The following C11orf65 variants were observed in gnomAD, a reference collection of about 807,000 sequenced individuals.
The protein encoded by C11orf65 is chromosome 11 open reading frame 65, also known as protein MFI.
Under a neutral mutation model 35.3 loss-of-function variants are expected in C11orf65, and 38 were observed. That is an observed-to-expected ratio of 1.08 (90% confidence interval 0.83 to 1.41). C11orf65 has a LOEUF of 1.41. C11orf65 is among the 40% of genes most tolerant of loss of function. C11orf65 has a pLI of 0.00. For missense variants in C11orf65, 370 were observed against 367.1 expected, an observed-to-expected ratio of 1.01 and a Z score of -0.06; for synonymous variants, 105 against 114.4, an observed-to-expected ratio of 0.92 and a Z score of 0.53.
chr11:108,431,769 C>T lies in C11orf65; in HGVS notation c.151G>A (p.Val51Met). The T allele has an allele frequency of 4.0e-6, 6 of 1,505,740 alleles. No individual in the cohort carries two copies. The highest frequency in any genetic ancestry group is 1.4e-5 in the South Asian group (1 of 73,896). The allele number at this position is 1,505,740 out of a possible 1,614,324, so 93.3% of individuals were successfully genotyped here. A position where few individuals can be genotyped will look rare whatever the true frequency, so the allele number is the denominator to read the frequency against. Residue 51 changes from valine to methionine, a missense_variant, in exon 3 of 9, where the codon GTG becomes ATG. Transcript: ENST00000393084. ...LRRQGEPRQI[V>M]KYINPKEAEL... The stretch of plus-strand genomic sequence containing the variant: ...ACCTCTTTGGGATTAATATATTTCA[C>T]TATCTGACGTGGTTCTCCTTGTCTT...
intron 6 of C11orf65, among the ~76,000 whole-genome samples, chr11:108,395,329 A>ATTTT (rs761424830): frequency 7.1e-6 from 1 of 140,924 alleles, no homozygotes; most frequent in Non-Finnish European, 1.6e-5. Flanking sequence ...TGTCTCTACA[A>ATTTT]TTTTTTTTTT....
downstream of C11orf65, among the ~76,000 whole-genome samples, chr11:108,330,935 T>C (rs536079083): frequency 2.6e-5 from 4 of 152,352 alleles, no homozygotes; most frequent in Non-Finnish European, 5.9e-5. Flanking sequence ...TGACACCTAA[T>C]ATTAAATTTA....
At chr11:108,366,683 G>A (rs2091348713) in intron 2 of C11orf65, 1 of 231,278 alleles carries the variant, frequency 4.3e-6, no homozygotes, top group African/African-American at 2.2e-5. Context: ...CTGAAGTGTA[G>A]CATAAATACT....
intron 2 of C11orf65, chr11:108,367,131 G>GCA (rs2091372042): frequency 5.6e-6 from 1 of 179,432 alleles, no homozygotes; most frequent in East Asian, 9.3e-5. Context: ...GGGACTACAG[G>GCA]CGTGTGCCAA....
intron 3 of C11orf65, among the ~76,000 whole-genome samples, chr11:108,412,748 GAAGA>G (rs1377807692): frequency 6.6e-6 from 1 of 151,980 alleles, no homozygotes; most frequent in Non-Finnish European, 1.5e-5. Context: ...GAGGAAGAAA[GAAGA>G]AAGAAGAAGA....
chr11:108,418,906 C>G (rs974385254), intron 3 of C11orf65, among the ~76,000 whole-genome samples: 2 of 151,898 alleles, frequency 1.3e-5, no homozygotes, highest in African/African-American at 4.8e-5. Context: ...ATGAAAACTT[C>G]CTAGAAAAAT....
At chr11:108,385,771 T>C (rs960718782) in intron 8 of C11orf65, 149 bp downstream of exon 8, 3 of 647,588 alleles carry the variant, frequency 4.6e-6, no homozygotes, top group Non-Finnish European at 8.2e-6. Flanking sequence ...ATAACAATCT[T>C]ACATACAAAG....
At chr11:108,397,824 G>A (rs558550547) in intron 6 of C11orf65, among the ~76,000 whole-genome samples, 1 of 152,256 alleles carries the variant, frequency 6.6e-6, no homozygotes, top group East Asian at 1.9e-4. Flanking sequence ...CATTAAACAT[G>A]AACTAAGTCT....
At chr11:108,354,419 G>A (rs1348233206) in intron 2 of C11orf65, among the ~76,000 whole-genome samples, 2 of 152,116 alleles carry the variant, frequency 1.3e-5, no homozygotes, top group Non-Finnish European at 2.9e-5. Context: ...GTATAACATT[G>A]TGCTACTAAA....
Position 108,405,564 on chromosome 11 carries a change from T to A in C11orf65, c.430-5A>T. On this transcript the variant is annotated splice_polypyrimidine_tract_variant and splice_region_variant and intron_variant, in intron 5 of 8. Transcript: ENST00000393084. Reference sequence around the variant, plus strand: ...ACCATCAGTAGATAGCCAAAACTATTGAGAAACAAAAATGAACATACAAAA... The same window carrying A: ...ACCATCAGTAGATAGCCAAAACTATAGAGAAACAAAAATGAACATACAAAA... 6.2e-7 allele frequency: 1 copy of A among 1,609,686 alleles called. No individual in the cohort carries two copies. Among genetic ancestry groups the A allele is most frequent in the Non-Finnish European group, 8.5e-7 (1 of 1,178,860 alleles).
intron 2 of C11orf65, among the ~76,000 whole-genome samples, chr11:108,376,261 C>T (rs1253651342): frequency 6.6e-6 from 1 of 151,988 alleles, no homozygotes; most frequent in Non-Finnish European, 1.5e-5. Flanking sequence ...TGTAAAAGAA[C>T]AGAAATTATA....
At chr11:108,330,066 T>G (rs762519330), downstream of C11orf65, 8 of 806,150 alleles carry the variant, frequency 9.9e-6, no homozygotes, top group Non-Finnish European at 1.6e-5. Flanking sequence ...CAAAAGTAAG[T>G]TTATTCCCTT....
chr11:108,397,131 G>A (rs2092330942), intron 6 of C11orf65, among the ~76,000 whole-genome samples: 1 of 151,502 alleles, frequency 6.6e-6, no homozygotes, highest in Non-Finnish European at 1.5e-5. Flanking sequence ...GGCTGGCCTG[G>A]CCAACATGGT....
chr11:108,455,323 A>T (rs1046705911), intron 2 of C11orf65, among the ~76,000 whole-genome samples: 4 of 152,228 alleles, frequency 2.6e-5, no homozygotes, highest in Admixed American at 6.5e-5. Flanking sequence ...TCCAGATGAC[A>T]TGATCTTATA....
At chr11:108,320,231 T>C (rs1306216859) in intron 6 of C11orf65, among the ~76,000 whole-genome samples, 1 of 152,208 alleles carries the variant, frequency 6.6e-6, no homozygotes, top group Non-Finnish European at 1.5e-5. Flanking sequence ...AAACAAATTG[T>C]TTCTGGGATT....
intron 7 of C11orf65, among the ~76,000 whole-genome samples, chr11:108,388,539 A>G (rs566249432): frequency 1.1e-3 from 167 of 152,336 alleles, no homozygotes; most frequent in Middle Eastern, 6.8e-3. Context: ...ACAAAACTAC[A>G]TATCTTAGAA....
chr11:108,328,234 G>A (rs1171407978), downstream of C11orf65, among the ~76,000 whole-genome samples: 1 of 151,980 alleles, frequency 6.6e-6, no homozygotes, highest in African/African-American at 2.4e-5. Flanking sequence ...AACACATGAT[G>A]CGATTGTCTT....
At chr11:108,326,224 C>G in intron 6 of C11orf65, 1 of 1,613,562 alleles carries the variant, frequency 6.2e-7, no homozygotes, top group Non-Finnish European at 8.5e-7. Context: ...AGCTGTGCAG[C>G]GGTTTGTTTT....
chr11:108,315,420 G>A (rs2084538043), intron 6 of C11orf65, among the ~76,000 whole-genome samples: 1 of 152,002 alleles, frequency 6.6e-6, no homozygotes, highest in Admixed American at 6.5e-5. Flanking sequence ...TATATTTTAT[G>A]GTAGTAAATG....
Sources: gnomAD v4.1 joint callset for allele counts (sites outside exome capture counted in the v4.1 genomes callset) on GRCh38, gnomAD v4.1.1 for gene constraint, MANE v1.5 for transcripts, NCBI Gene and HGNC (gene_info 2026-07-23, HGNC 2026-07-21) for gene names.